WNT7A: variants seen among roughly 807,000 people sequenced by gnomAD.
The protein encoded by WNT7A is protein Wnt-7a.
In WNT7A, 16 loss-of-function variants were observed where a neutral mutation model predicts 28.2. The ratio of observed to expected loss-of-function variants is 0.57; its 90% CI spans 0.38 to 0.86. The LOEUF (loss-of-function observed/expected upper bound fraction) is 0.86, where lower values mean the gene tolerates loss of function less well. Among genes scored for constraint, WNT7A ranks in the 40% least tolerant of loss-of-function variants. The pLI, the probability that WNT7A is intolerant of heterozygous loss-of-function variation, is 0.00. For missense variants in WNT7A, 411 were observed against 489.7 expected (o/e 0.84, Z 1.52); for synonymous variants, 190 against 195.9 (o/e 0.97, Z 0.25).
chr3:13,879,298 A>G (rs1695168290), intron 1 of WNT7A, among the ~76,000 whole-genome samples: 1 of 152,172 alleles, frequency 6.6e-6, no homozygotes, highest in South Asian at 2.1e-4. Context: ...CCCAGTCTCT[A>G]GGAACGGCTG....
chr3:13,853,247 G>C (rs1694667880), intron 3 of WNT7A, among the ~76,000 whole-genome samples: 2 of 152,162 alleles, frequency 1.3e-5, no homozygotes, highest in Non-Finnish European at 2.9e-5. Context: ...GTCTAGAGAG[G>C]GGAGAAAGCC....
At chr3:13,859,705 T>G (rs1391163253) in intron 2 of WNT7A, among the ~76,000 whole-genome samples, 1 of 152,164 alleles carries the variant, frequency 6.6e-6, no homozygotes, top group African/African-American at 2.4e-5. Context: ...ACAGAGTAGG[T>G]ACCCAGTAAA....
At chr3:13,878,328 A>G (rs564740006) in intron 1 of WNT7A, among the ~76,000 whole-genome samples, 186 of 152,248 alleles carry the variant, frequency 1.2e-3, no homozygotes, top group African/African-American at 4.0e-3. Flanking sequence ...GCCCGAGTCA[A>G]TCGGCTCGAG....
chr3:13,817,504 C>G lies in WNT7A; in HGVS notation c.*1440G>C, dbSNP rs1335357593. The G allele has an allele frequency of 6.5e-6, 1 of 153,220 alleles. No individual in the cohort carries two copies. Among genetic ancestry groups the G allele is most frequent in the African/African-American group, 2.4e-5 (1 of 41,434 alleles). The allele number at this position is 153,220 out of a possible 1,614,324, so 9.5% of individuals were successfully genotyped here. ...GCAAACGGACACATATTAGAACACC[C>G]CCAGCCTGCTGGAGGACAGCTTTCT... On this transcript the variant is annotated 3_prime_UTR_variant, in exon 4 of 4. Coordinates refer to ENST00000285018, the MANE Select transcript of WNT7A (RefSeq NM_004625.4).
intron 2 of WNT7A, among the ~76,000 whole-genome samples, chr3:13,868,972 AAGAG>A (rs1694979439): frequency 7.2e-6 from 1 of 138,082 alleles, no homozygotes; most frequent in South Asian, 2.5e-4. Flanking sequence ...GGAAGGGAGA[AAGAG>A]AAAGAGAAAG....
At chr3:13,859,497 C>T (rs764419609) in intron 2 of WNT7A, among the ~76,000 whole-genome samples, 4 of 152,136 alleles carry the variant, frequency 2.6e-5, no homozygotes, top group Non-Finnish European at 4.4e-5. Context: ...TTATAGGTGC[C>T]ACTGGGTGGT....
rs1474062279 is a variant in WNT7A, at chr3:13,818,470, T to C, written c.*474A>G. ...CCTGCAAAATCAGCTAGTAGAAATA[T>C]CTGCATAAAGAATAGTTATGTACAC... is the stretch of plus-strand genomic sequence containing the variant. On this transcript the variant is annotated 3_prime_UTR_variant, in exon 4 of 4. Transcript: ENST00000285018. 1.3e-5 allele frequency: 2 copies of C among 151,770 alleles called. No homozygotes were observed. The highest frequency in any genetic ancestry group is 2.9e-5 in the Non-Finnish European group (2 of 68,048). 9.4% of individuals were successfully genotyped at this position (151,770 alleles called of 1,614,324 possible).
rs146931461 is a variant in WNT7A at position 13,835,303 on chromosome 3, A to T, written c.571-15880T>A. Among the ~76,000 whole-genome samples the T allele has an allele frequency of 2.2e-4, 34 of 152,346 alleles. 1 individual carries two copies. The East Asian group carries it at 6.6e-3, about 29-fold the overall frequency. ...GAGACCTGAGCAGAAAGGTCCTGCG[A>T]TGCAGGAAGAAGCAGGGTGGGGGCT... On this transcript the variant is annotated intron_variant, in intron 3 of 3. Transcript: ENST00000285018.
chr3:13,879,136 C>T (rs1220560425), intron 1 of WNT7A, among the ~76,000 whole-genome samples: 1 of 152,204 alleles, frequency 6.6e-6, no homozygotes, highest in African/African-American at 2.4e-5. Context: ...CCCCTTGGCC[C>T]GGGAAGGGGC....
intron 3 of WNT7A, among the ~76,000 whole-genome samples, chr3:13,852,009 C>T (rs951040598): frequency 3.9e-5 from 6 of 152,252 alleles, no homozygotes; most frequent in Non-Finnish European, 8.8e-5. Context: ...GAGGGGATGC[C>T]CTGCAGCTTC....
intron 2 of WNT7A, among the ~76,000 whole-genome samples, chr3:13,871,603 A>C (rs1695026533): frequency 6.7e-6 from 1 of 148,290 alleles, no homozygotes. Context: ...TTAGTTTGTC[A>C]CCCTCCCTTC....
intron 3 of WNT7A, among the ~76,000 whole-genome samples, chr3:13,850,397 C>T (rs556286100): frequency 1.4e-4 from 21 of 152,146 alleles, no homozygotes; most frequent in Non-Finnish European, 2.4e-4. Flanking sequence ...GGCCTGCCTG[C>T]GGCCAGGGCA....
chr3:13,819,522 A>T, intron 3 of WNT7A, 99 bp from the exon 4 acceptor site: 1 of 1,360,206 alleles, frequency 7.4e-7, no homozygotes, highest in Non-Finnish European at 9.4e-7. Context: ...TGCCCCACCT[A>T]TCTGGGTCTG....
Position 13,854,450 on chromosome 3 carries a change from A to G in WNT7A, c.570+82T>C, listed in dbSNP as rs940864877. ...GCAGAGCCCTGTGGCTCCTCAACAG[A>G]CACCCAGCACCAGATGTTACAAACA... On this transcript the variant is annotated intron_variant, in intron 3 of 3. Coordinates refer to ENST00000285018, the MANE Select transcript of WNT7A (RefSeq NM_004625.4). The G allele has an allele frequency of 3.7e-6, 6 of 1,605,472 alleles. No individual in the cohort carries two copies. The African/African-American group carries it at 8.0e-5, about 21-fold the overall frequency.
At chr3:13,839,253 C>T (rs1694419479) in intron 3 of WNT7A, among the ~76,000 whole-genome samples, 1 of 152,182 alleles carries the variant, frequency 6.6e-6, no homozygotes, top group Non-Finnish European at 1.5e-5. Flanking sequence ...TCAGGCCCTG[C>T]CCCAGACCCA....
chr3:13,869,580 GAGAA>G (rs1434227771), intron 2 of WNT7A, among the ~76,000 whole-genome samples: 3 of 140,932 alleles, frequency 2.1e-5, no homozygotes, highest in African/African-American at 7.9e-5. Flanking sequence ...AAGAGAGAGA[GAGAA>G]AGGAAGGAAG....
At position 13,854,917 on chromosome 3, in the gene WNT7A, C is replaced by G; in HGVS notation, c.299-114G>C. On this transcript the variant is annotated intron_variant, in intron 2 of 3. Coordinates refer to ENST00000285018, the MANE Select transcript of WNT7A (RefSeq NM_004625.4). ...CTCAATGCAATGGCTCTCCAAAGCT[C>G]GACTGAGTACCCGTTCCTAACTTCC... 2.1e-6 allele frequency: 3 copies of G among 1,401,748 alleles called. No homozygotes were observed. The South Asian group carries it at 3.6e-5, about 17-fold the overall frequency. The allele number at this position is 1,401,748 out of a possible 1,614,324, so 86.8% of individuals were successfully genotyped here. A position where few individuals can be genotyped will look rare whatever the true frequency, so the allele number is the denominator to read the frequency against.
intron 3 of WNT7A, among the ~76,000 whole-genome samples, chr3:13,829,256 G>A (rs957925153): frequency 6.6e-6 from 1 of 152,140 alleles, no homozygotes; most frequent in Non-Finnish European, 1.5e-5. Flanking sequence ...ACCATATCCA[G>A]ATTTTTATTT....
chr3:13,865,194 G>A (rs1575072677), intron 2 of WNT7A, among the ~76,000 whole-genome samples: 1 of 152,336 alleles, frequency 6.6e-6, no homozygotes, highest in African/African-American at 2.4e-5. Context: ...TCAAGCTGCT[G>A]TCTTATCTAC....
Sources: allele counts gnomAD v4.1 joint callset (sites outside exome capture counted in the v4.1 genomes callset), GRCh38; gene constraint gnomAD v4.1.1; transcripts MANE v1.5; gene names NCBI Gene and HGNC (gene_info 2026-07-23, HGNC 2026-07-21).